Variants in EPS8 observed in about 807,000 individuals in gnomAD.
The protein encoded by EPS8 is EGFR pathway substrate 8, signaling adaptor, also known as epidermal growth factor receptor kinase substrate 8.
EPS8 carries 42 observed loss-of-function variants against 103.8 expected under a neutral mutation model. The observed-to-expected ratio is 0.40, with a 90% CI of 0.32 to 0.52. EPS8 has a LOEUF of 0.52. Among genes scored for constraint, EPS8 ranks in the 20% least tolerant of loss-of-function variants. EPS8 has a pLI of 0.40. For missense variants in EPS8, 969 were observed against 1,005.1 expected (o/e 0.96, Z 0.49); for synonymous variants, 344 against 344.6 (o/e 1.00, Z 0.02).
chr12:15,734,556 T>G lies in EPS8; in HGVS notation c.-21-51584A>C, dbSNP rs935539022. 4.6e-5 allele frequency among the ~76,000 whole-genome samples: 7 copies of G among 151,998 alleles called. No individual in the cohort carries two copies. The highest frequency in any genetic ancestry group is 1.0e-4 in the Non-Finnish European group (7 of 67,998). Reference sequence around the variant, plus strand: ...AAAAATACAAAGAATTAGCCGGGCATGGTGGTGGGCGCCTGTGGTCCCAGC... The same window carrying G: ...AAAAATACAAAGAATTAGCCGGGCAGGGTGGTGGGCGCCTGTGGTCCCAGC... On this transcript the variant is annotated intron_variant, in intron 1 of 20. Coordinates refer to ENST00000281172, the MANE Select transcript of EPS8 (RefSeq NM_004447.6). The surrounding 1 kb of genome is among the most constrained non-coding windows in gnomAD (Gnocchi z 4.1).
At chr12:15,657,877 C>T (rs1006357205) in intron 12 of EPS8, 2 of 514,398 alleles carry the variant, frequency 3.9e-6, no homozygotes, top group African/African-American at 3.9e-5. Flanking sequence ...GTTTCCTCAA[C>T]TATAAAATAA....
At chr12:15,657,899 T>C (rs1007090464) in intron 12 of EPS8, 180 bp downstream of exon 12, 1 of 568,686 alleles carries the variant, frequency 1.8e-6, no homozygotes. Context: ...GTGCTTAAAC[T>C]AGATGATTTA....
intron 8 of EPS8, among the ~76,000 whole-genome samples, chr12:15,663,944 A>AATAATAAAAATAAT: frequency 1.2e-5 from 1 of 85,976 alleles, no homozygotes; most frequent in Non-Finnish European, 2.2e-5. Context: ...AAAAAAAAAA[A>AATAATAAAAATAAT]AATAATATAT....
intron 17 of EPS8, among the ~76,000 whole-genome samples, chr12:15,636,110 G>T (rs1945129834): frequency 6.6e-6 from 1 of 152,156 alleles, no homozygotes; most frequent in African/African-American, 2.4e-5. Flanking sequence ...CAGACGAGCA[G>T]TCACAGGGCT....
chr12:15,755,524 G>A (rs1178325243), intron 1 of EPS8, among the ~76,000 whole-genome samples: 1 of 152,112 alleles, frequency 6.6e-6, no homozygotes, highest in Non-Finnish European at 1.5e-5. Flanking sequence ...TGCAGGTATT[G>A]CATGAAATGA....
Position 15,645,277 on chromosome 12 carries a change from G to A in EPS8, c.1568+1850C>T, listed in dbSNP as rs577989283. On this transcript the variant is annotated intron_variant, in intron 15 of 20. Coordinates refer to ENST00000281172, the MANE Select transcript of EPS8 (RefSeq NM_004447.6). ...GAGTAAGAAAAGCATTTTTTATCCC[G>A]ATGAACTGATACTTATTCCTTTTCC... is the stretch of plus-strand genomic sequence containing the variant. Among the ~76,000 whole-genome samples the A allele has an allele frequency of 4.6e-5, 7 of 152,064 alleles. No homozygotes were observed. The East Asian group carries it at 7.7e-4, about 17-fold the overall frequency.
In EPS8 at chr12:15,779,273, C is replaced by T. The variant is rs1301746628; in HGVS notation, c.-22+9888G>A. Among the ~76,000 whole-genome samples, 1 of 152,172 alleles carries T rather than the reference C, an allele frequency of 6.6e-6. No homozygotes were observed. The highest frequency in any genetic ancestry group is 2.4e-5 in the African/African-American group (1 of 41,434). On this transcript the variant is annotated intron_variant, in intron 1 of 20. Coordinates refer to ENST00000281172, the MANE Select transcript of EPS8 (RefSeq NM_004447.6). This position sits in a 1 kb window ranked among gnomAD's most constrained non-coding sequence, Gnocchi z 4.3. ...GATTACAGGCGTGAGCCACCTTGCC[C>T]AGCAAAATGTAACAGACTTTTCACT...
intron 1 of EPS8, among the ~76,000 whole-genome samples, chr12:15,685,703 AAATATGGAGGCTTTCAAATACCC>A (rs1378417616): frequency 2.0e-5 from 3 of 152,208 alleles, no homozygotes; most frequent in Non-Finnish European, 4.4e-5. Context: ...CTCATGTGGC[AAATATGGAGGCTTTCAAATACCC>A]AATTTGAGCG....
At chr12:15,783,573 A>G (rs890773634) in intron 1 of EPS8, among the ~76,000 whole-genome samples, 3 of 152,214 alleles carry the variant, frequency 2.0e-5, no homozygotes, top group Non-Finnish European at 2.9e-5. Flanking sequence ...CCTCTTCTCA[A>G]CATACACCCT....
At position 15,695,815 on chromosome 12, in the gene EPS8, A is replaced by AAATATAAAAATC. The variant is rs763736731; in HGVS notation, c.-21-12855_-21-12844dup. On this transcript the variant is annotated intron_variant, in intron 1 of 20. Coordinates refer to ENST00000281172, the MANE Select transcript of EPS8 (RefSeq NM_004447.6). This position sits in a 1 kb window ranked among gnomAD's most constrained non-coding sequence, Gnocchi z 5.0. ...AATGGCGAAACCCCATCTCTACCAA[A>AAATATAAAAATC]AATATAAAAATCAGCCAGACATGGT... Among the ~76,000 whole-genome samples the AAATATAAAAATC allele has an allele frequency of 2.2e-4, 33 of 152,324 alleles. No homozygotes were observed. The highest frequency in any genetic ancestry group is 3.4e-3 in the Middle Eastern group (1 of 294).
At chr12:15,654,353 G>A in intron 12 of EPS8, 60 bp from the exon 13 acceptor site, 1 of 1,520,330 alleles carries the variant, frequency 6.6e-7, no homozygotes, top group Non-Finnish European at 9.0e-7. Context: ...TTTTCAAAAT[G>A]TGTGGACAAA....
In EPS8 at chr12:15,731,455, G is replaced by A. The variant is rs577004199; in HGVS notation, c.-21-48483C>T. On this transcript the variant is annotated intron_variant, in intron 1 of 20. Coordinates refer to ENST00000281172, the MANE Select transcript of EPS8 (RefSeq NM_004447.6). The surrounding 1 kb of genome is among the most constrained non-coding windows in gnomAD (Gnocchi z 5.1). ...TGGGATTACAGGTGCCTGCCACCAC[G>A]CCTGGCTAATTTTTGTATTTTTAGT... Among the ~76,000 whole-genome samples, 3 of 152,146 alleles carry A rather than the reference G, an allele frequency of 2.0e-5. No homozygotes were observed. The South Asian group carries it at 6.2e-4, about 32-fold the overall frequency.
intron 8 of EPS8, among the ~76,000 whole-genome samples, chr12:15,663,951 ATAT>A (rs1484934938): frequency 1.0e-3 from 40 of 39,642 alleles, no homozygotes; most frequent in African/African-American, 3.3e-3. Context: ...AAAAAATAAT[ATAT>A]ATATATATAT....
chr12:15,640,126 G>A (rs1294156353), intron 17 of EPS8, among the ~76,000 whole-genome samples: 4 of 152,228 alleles, frequency 2.6e-5, no homozygotes, highest in African/African-American at 9.6e-5. Context: ...GGCCTTCAAT[G>A]AACAAGAAGA....
rs544148007 is a variant in EPS8, at chr12:15,624,944, A to G, written c.2045-537T>C. The stretch of plus-strand genomic sequence containing the variant: ...CCTGGGATGCACACAACATTCTATA[A>G]TGTCAGCCTCTCCTACAGCAGAGAA... On this transcript the variant is annotated intron_variant, in intron 18 of 20. Coordinates refer to ENST00000281172, the MANE Select transcript of EPS8 (RefSeq NM_004447.6). Among the ~76,000 whole-genome samples, 5 of 152,242 alleles carry G rather than the reference A, an allele frequency of 3.3e-5. No individual in the cohort carries two copies. The East Asian group carries it at 9.6e-4, about 29-fold the overall frequency.
chr12:15,704,723 G>A lies in EPS8; in HGVS notation c.-21-21751C>T, dbSNP rs1946361350. Among the ~76,000 whole-genome samples the A allele has an allele frequency of 6.6e-6, 1 of 152,080 alleles. No homozygotes were observed. Among genetic ancestry groups the A allele is most frequent in the Admixed American group, 6.5e-5 (1 of 15,268 alleles). On this transcript the variant is annotated intron_variant, in intron 1 of 20. Coordinates refer to ENST00000281172, the MANE Select transcript of EPS8 (RefSeq NM_004447.6). The surrounding 1 kb of genome is among the most constrained non-coding windows in gnomAD (Gnocchi z 4.6). ...CTATACATTTAAAGATGGTTAAGTT[G>A]GTAAATTTAATATCAACTTTATCAC...
Position 15,787,836 on chromosome 12 carries a change from T to C in EPS8, c.-22+1325A>G, listed in dbSNP as rs147776506. On this transcript the variant is annotated intron_variant, in intron 1 of 20. Coordinates refer to ENST00000281172, the MANE Select transcript of EPS8 (RefSeq NM_004447.6). The surrounding 1 kb of genome is among the most constrained non-coding windows in gnomAD (Gnocchi z 4.9). ...AATTGTAAGTAAAAGTGTGAATTCG[T>C]GACCAAAAATTTTCCACACCAGCAA... 152 of 152,314 alleles carry C rather than the reference T, an allele frequency of 1.0e-3. No homozygotes were observed. Among genetic ancestry groups the C allele is most frequent in the African/African-American group, 3.5e-3 (146 of 41,580 alleles). 9.4% of individuals were successfully genotyped at this position (152,314 alleles called of 1,614,324 possible).
At chr12:15,699,313 G>C (rs1946282079) in intron 1 of EPS8, among the ~76,000 whole-genome samples, 2 of 152,172 alleles carry the variant, frequency 1.3e-5, no homozygotes, top group South Asian at 4.2e-4. Context: ...GCAGCCCTAA[G>C]TGTAAATCCT....
At position 15,736,565 on chromosome 12, in the gene EPS8, T is replaced by C. The variant is rs1047949044; in HGVS notation, c.-22+52596A>G. On this transcript the variant is annotated intron_variant, in intron 1 of 20. Transcript: ENST00000281172. The surrounding 1 kb of genome is among the most constrained non-coding windows in gnomAD (Gnocchi z 4.2). ...GATGCCCTCAAGCTTGGTTAAGATC[T>C]TATTAATAAATCTTTCTTTTTCTAT... Among the ~76,000 whole-genome samples the C allele has an allele frequency of 3.3e-5, 5 of 152,206 alleles. No individual in the cohort carries two copies. The highest frequency in any genetic ancestry group is 7.3e-5 in the Non-Finnish European group (5 of 68,038).
Sources: allele counts gnomAD v4.1 joint callset (sites outside exome capture counted in the v4.1 genomes callset), GRCh38; gene constraint gnomAD v4.1.1; non-coding constraint Gnocchi (gnomAD v3.1); transcripts MANE v1.5; gene names NCBI Gene and HGNC (gene_info 2026-07-23, HGNC 2026-07-21).